Variants in NBN observed in about 807,000 individuals in gnomAD.
The protein encoded by NBN is Nijmegen breakage syndrome 1 (nibrin).
A neutral mutation model predicts 90.8 loss-of-function variants in NBN; 88 were observed. The observed-to-expected ratio is 0.97, with a 90% CI of 0.82 to 1.16. The LOEUF is 1.16. NBN is among the 50% of genes most tolerant of loss of function. The pLI is 0.00. For synonymous variants in NBN, 328 were observed against 295.1 expected, an observed-to-expected ratio of 1.11 and a Z score of -1.14; for missense variants, 894 against 869.6, an observed-to-expected ratio of 1.03 and a Z score of -0.35.
intron 11 of NBN, 47 bp downstream of exon 11, chr8:89,953,197 A>G (rs778419431): frequency 8.0e-6 from 11 of 1,371,420 alleles, no homozygotes; most frequent in Non-Finnish European, 1.0e-5. Context: ...ACCTGTTAGC[A>G]TTCTAAGCTT....
chr8:89,943,074 T>A (rs1810022377), intron 14 of NBN, among the ~76,000 whole-genome samples, 179 bp downstream of exon 14: 1 of 152,042 alleles, frequency 6.6e-6, no homozygotes, highest in African/African-American at 2.4e-5. Context: ...AATTTAGTAT[T>A]CTTTTAAAGA....
Position 89,981,506 on chromosome 8 carries a change from G to T in NBN, c.189C>A (p.Ile63=), listed in dbSNP as rs1554568383. 1.2e-5 allele frequency: 20 copies of T among 1,612,916 alleles called. No individual in the cohort carries two copies. The highest frequency in any genetic ancestry group is 1.7e-5 in the Non-Finnish European group (20 of 1,179,164). The change falls in exon 3 of 16, where the codon ATC becomes ATA. Residue 63 remains isoleucine, a synonymous_variant. Coordinates refer to ENST00000265433, the MANE Select transcript of NBN (RefSeq NM_002485.5). ...AATTATCTTTTAATGTCAATACAGG[G>T]ATTTCATCTGTTTGACTCTGAAAAG... ...SVTNLSQTDE[I]PVLTLKDNSK...
intron 9 of NBN, among the ~76,000 whole-genome samples, chr8:89,955,928 TAC>T (rs1489392519): frequency 3.3e-5 from 5 of 151,878 alleles, no homozygotes; most frequent in Non-Finnish European, 7.4e-5. Context: ...ACTATTATGG[TAC>T]TTTCATTATT....
At chr8:89,981,102 GA>G (rs1171034583) in intron 3 of NBN, among the ~76,000 whole-genome samples, 1 of 152,020 alleles carries the variant, frequency 6.6e-6, no homozygotes, top group Non-Finnish European at 1.5e-5. Context: ...GAGTCCAAAT[GA>G]AGAAAAAACA....
At chr8:89,941,246 G>A (rs1048240413) in intron 14 of NBN, among the ~76,000 whole-genome samples, 2 of 152,062 alleles carry the variant, frequency 1.3e-5, no homozygotes, top group African/African-American at 4.8e-5. Flanking sequence ...AAAACTAATG[G>A]AGAATGATCA....
intron 6 of NBN, 151 bp downstream of exon 6, chr8:89,971,022 G>A (rs1463353250): frequency 1.4e-6 from 1 of 721,266 alleles, no homozygotes. Context: ...TGATCACTGG[G>A]CAGGTCTGGT....
intron 11 of NBN, among the ~76,000 whole-genome samples, chr8:89,949,720 A>G (rs2129672574): frequency 6.6e-6 from 1 of 152,318 alleles, no homozygotes; most frequent in African/African-American, 2.4e-5. Flanking sequence ...ATCTATTGGA[A>G]AGTGCCTTTC....
At chr8:89,975,949 A>G (rs960610306) in intron 5 of NBN, among the ~76,000 whole-genome samples, 3 of 152,224 alleles carry the variant, frequency 2.0e-5, no homozygotes, top group African/African-American at 7.2e-5. Flanking sequence ...TGATTCTGTT[A>G]AAATACTATG....
At chr8:89,946,768 T>G (rs1366148543) in intron 12 of NBN, 2 of 160,992 alleles carry the variant, frequency 1.2e-5, no homozygotes, top group African/African-American at 4.8e-5. Flanking sequence ...TCTTAACACC[T>G]CAAAAAAGTC....
rs2129716890 is a variant in NBN at position 89,955,300 on chromosome 8, C to A, written c.1380G>T (p.Gln460His). The change falls in exon 10 of 16, where the codon CAG becomes CAT. Residue 460 changes from glutamine to histidine, a missense_variant. Transcript: ENST00000265433. Reference sequence around the variant, plus strand: ...AAACAGACCTTTTTTTGGTAGACGGCTGAAAGTAGTTTCTGATGGAGTTGG... The same window carrying A: ...AAACAGACCTTTTTTTGGTAGACGGATGAAAGTAGTTTCTGATGGAGTTGG... ...QQTNSIRNYFQPSTKKRERDE... is the reference protein window; with the variant it reads ...QQTNSIRNYFHPSTKKRERDE... 6.2e-7 allele frequency: 1 copy of A among 1,613,584 alleles called. No homozygotes were observed. The highest frequency in any genetic ancestry group is 8.5e-7 in the Non-Finnish European group (1 of 1,179,740).
At position 89,958,763 on chromosome 8, in the gene NBN, T is replaced by C. The variant is rs876659734; in HGVS notation, c.1086A>G (p.Thr362=). Residue 362 remains threonine, a synonymous_variant, in exon 9 of 16, where the codon ACA becomes ACG. Coordinates refer to ENST00000265433, the MANE Select transcript of NBN (RefSeq NM_002485.5). ...LMPSAPVNTT[T]YVADTESEQA... ...GCTCTGATTCTGTGTCAGCTACGTA[T>C]GTTGTAGTGTTCACTGGGGCGCTTG... The C allele has an allele frequency of 8.1e-6, 13 of 1,614,010 alleles. No individual in the cohort carries two copies. Among genetic ancestry groups the C allele is most frequent in the Admixed American group, 1.7e-5 (1 of 59,990 alleles).
Position 89,947,868 on chromosome 8 carries a change from G to A in NBN, c.1870C>T (p.Arg624Cys), listed in dbSNP as rs962092255. 7 of 1,575,870 alleles carry A rather than the reference G, an allele frequency of 4.4e-6. No homozygotes were observed. In the South Asian group the frequency reaches 4.5e-5, roughly 10 times the overall value. ...CATAGTGAGTCTTCCTTGAGTTCAC[G>A]TTTCTTCCCAATTTCATTTTCTTGC... is the stretch of plus-strand genomic sequence containing the variant. Reference protein sequence around the residue: ...ISQENEIGKKRELKEDSLWSA... With the variant: ...ISQENEIGKKCELKEDSLWSA... The change falls in exon 12 of 16, where the codon CGT becomes TGT. Residue 624 changes from arginine to cysteine, a missense_variant. Arg to Cys is a radical substitution (Grantham distance 180, BLOSUM62 -3). Coordinates refer to ENST00000265433, the MANE Select transcript of NBN (RefSeq NM_002485.5).
chr8:89,959,001 A>G (rs1177842693), intron 8 of NBN, 147 bp from the exon 9 acceptor site: 1 of 1,032,068 alleles, frequency 9.7e-7, no homozygotes, highest in Non-Finnish European at 1.5e-6. Flanking sequence ...TGGTACCAAC[A>G]AACACAAAAC....
chr8:89,984,468 C>G, intron 1 of NBN, 57 bp downstream of exon 1: 1 of 1,524,850 alleles, frequency 6.6e-7, no homozygotes, highest in Non-Finnish European at 9.1e-7. Flanking sequence ...CGCAGGCCCT[C>G]CCCCGAGGCA....
chr8:89,968,419 T>G (rs1381299832), intron 7 of NBN, among the ~76,000 whole-genome samples: 2 of 152,160 alleles, frequency 1.3e-5, no homozygotes. Flanking sequence ...AGAATCCAAC[T>G]GCCTGGGCTC....
At position 89,970,274 on chromosome 8, in the gene NBN, C is replaced by T. The variant is rs1040462620; in HGVS notation, c.896+90G>A. On this transcript the variant is annotated intron_variant, in intron 7 of 15. Coordinates refer to ENST00000265433, the MANE Select transcript of NBN (RefSeq NM_002485.5). ...CAAAAAAAAAAAATTCTTGTATCTA[C>T]TTTTACATTGTTAGGTGAAAAGCAA... is the stretch of plus-strand genomic sequence containing the variant. The T allele has an allele frequency of 1.9e-5, 23 of 1,179,498 alleles. No individual in the cohort carries two copies. The African/African-American group carries it at 2.5e-4, about 13-fold the overall frequency. 73.1% of individuals were successfully genotyped at this position (1,179,498 alleles called of 1,614,324 possible). A position where few individuals can be genotyped will look rare whatever the true frequency, so the allele number is the denominator to read the frequency against.
intron 6 of NBN, 134 bp downstream of exon 6, chr8:89,971,039 G>T: frequency 1.1e-6 from 1 of 927,820 alleles, no homozygotes; most frequent in South Asian, 1.6e-5. Context: ...TGGTGCCTGG[G>T]GTTTTTTTAT....
At chr8:89,959,256 A>G (rs1373900919) in intron 8 of NBN, among the ~76,000 whole-genome samples, 1 of 152,254 alleles carries the variant, frequency 6.6e-6, no homozygotes, top group Non-Finnish European at 1.5e-5. Context: ...TAAGGAATAC[A>G]TTATTTGAAA....
chr8:89,950,105 A>G (rs1189455437), intron 11 of NBN, among the ~76,000 whole-genome samples: 8 of 152,216 alleles, frequency 5.3e-5, no homozygotes, highest in Non-Finnish European at 1.2e-4. Flanking sequence ...TTTTAAAAGT[A>G]ACCTTACATT....
Sources: gnomAD v4.1 joint callset for allele counts (sites outside exome capture counted in the v4.1 genomes callset) on GRCh38, gnomAD v4.1.1 for gene constraint, MANE v1.5 for transcripts, NCBI Gene and HGNC (gene_info 2026-07-23, HGNC 2026-07-21) for gene names.